KLF17: variants seen among roughly 807,000 people sequenced by gnomAD.
KLF17 encodes the protein KLF transcription factor 17.
In KLF17, 31 loss-of-function variants were observed where a neutral mutation model predicts 34.2. That is an observed-to-expected ratio of 0.91 (90% CI 0.68 to 1.22). The LOEUF is 1.22. Ranked by LOEUF, KLF17 falls within the 50% of genes most tolerant of loss-of-function variation. The pLI is 0.00. For synonymous variants in KLF17, 179 were observed against 186.7 expected, an observed-to-expected ratio of 0.96 and a Z score of 0.34; for missense variants, 478 against 505.2, an observed-to-expected ratio of 0.95 and a Z score of 0.52.
the KLF17 span, among the ~76,000 whole-genome samples, chr1:44,100,724 C>T: frequency 1.3e-5 from 2 of 151,980 alleles, no homozygotes; most frequent in Admixed American, 6.6e-5. Flanking sequence ...GGCGCAATCT[C>T]CACTCACTGC....
At chr1:44,109,961 G>A in the KLF17 span, among the ~76,000 whole-genome samples, 1 of 142,910 alleles carries the variant, frequency 7.0e-6, no homozygotes, top group African/African-American at 2.6e-5. Context: ...AGGCTGGAGT[G>A]CAATGGCACG....
At chr1:44,132,743 A>T (rs545546963) in intron 3 of KLF17, among the ~76,000 whole-genome samples, 2 of 152,250 alleles carry the variant, frequency 1.3e-5, no homozygotes, top group East Asian at 3.9e-4. Flanking sequence ...CACCTTCCTT[A>T]GGTCCCTGGA....
chr1:44,071,147 C>G, the KLF17 span, among the ~76,000 whole-genome samples: 3 of 152,164 alleles, frequency 2.0e-5, no homozygotes, highest in East Asian at 5.8e-4. Flanking sequence ...TCATGCTCAG[C>G]TGTGACCCTC....
At chr1:44,062,881 C>T in the KLF17 span, among the ~76,000 whole-genome samples, 2 of 152,088 alleles carry the variant, frequency 1.3e-5, no homozygotes, top group Non-Finnish European at 2.9e-5. Context: ...CAATTCTATT[C>T]CTGGCTATAT....
intron 1 of KLF17, among the ~76,000 whole-genome samples, chr1:44,123,528 G>C (rs2087974105): frequency 6.6e-6 from 1 of 151,998 alleles, no homozygotes; most frequent in Non-Finnish European, 1.5e-5. Flanking sequence ...AGTTGATCTA[G>C]CTAAGTGTTT....
At chr1:44,058,978 G>C in the KLF17 span, among the ~76,000 whole-genome samples, 2 of 152,110 alleles carry the variant, frequency 1.3e-5, no homozygotes, top group East Asian at 3.9e-4. Flanking sequence ...AACTTGGAAA[G>C]AAGAATCCGC....
chr1:44,065,405 G>T, the KLF17 span, among the ~76,000 whole-genome samples: 368 of 119,018 alleles, frequency 3.1e-3, 2 homozygotes, highest in African/African-American at 0.012. Context: ...ATAATCCTTG[G>T]TTTTTTTTTT....
chr1:44,099,873 GA>G, the KLF17 span, among the ~76,000 whole-genome samples: 6 of 52,848 alleles, frequency 1.1e-4, no homozygotes, highest in South Asian at 8.3e-4. Context: ...AAGAAAGAAA[GA>G]AAGAAAGAAA....
chr1:44,098,469 C>T, the KLF17 span, among the ~76,000 whole-genome samples: 2 of 129,142 alleles, frequency 1.5e-5, no homozygotes, highest in East Asian at 2.3e-4. Context: ...CTCTTCTGAT[C>T]TTTATTATTA....
At chr1:44,095,516 T>G in the KLF17 span, among the ~76,000 whole-genome samples, 2 of 151,938 alleles carry the variant, frequency 1.3e-5, no homozygotes, top group Non-Finnish European at 2.9e-5. Context: ...TGCCCAGCCT[T>G]TTATATCTTT....
the KLF17 span, among the ~76,000 whole-genome samples, chr1:44,086,422 C>G: frequency 6.6e-6 from 1 of 152,082 alleles, no homozygotes; most frequent in Non-Finnish European, 1.5e-5. Context: ...GCTGAGATCG[C>G]GCCATTGCGC....
chr1:44,086,193 G>A, the KLF17 span, among the ~76,000 whole-genome samples: 5 of 152,118 alleles, frequency 3.3e-5, no homozygotes, highest in South Asian at 2.1e-4. Flanking sequence ...ACGGTGGGGC[G>A]TGGTGGCTCA....
At chr1:44,100,741 T>A in the KLF17 span, among the ~76,000 whole-genome samples, 1 of 152,038 alleles carries the variant, frequency 6.6e-6, no homozygotes, top group African/African-American at 2.4e-5. Context: ...CTGCAACCTC[T>A]GCCTCCTGGG....
the KLF17 span, among the ~76,000 whole-genome samples, chr1:44,058,918 A>G: frequency 2.6e-5 from 4 of 151,870 alleles, no homozygotes; most frequent in Non-Finnish European, 5.9e-5. Context: ...CCCTTCAACA[A>G]AGGAAATAGT....
chr1:44,057,105 T>C, the KLF17 span, among the ~76,000 whole-genome samples: 7 of 151,986 alleles, frequency 4.6e-5, no homozygotes, highest in South Asian at 6.2e-4. Context: ...GGTTTACAGA[T>C]GGGAGTAGCT....
the KLF17 span, among the ~76,000 whole-genome samples, chr1:44,056,894 A>C: frequency 1.3e-5 from 2 of 151,992 alleles, no homozygotes; most frequent in Non-Finnish European, 2.9e-5. Context: ...TCACTTACTT[A>C]AATATCAGGC....
the KLF17 span, among the ~76,000 whole-genome samples, chr1:44,097,989 T>G: frequency 6.6e-6 from 1 of 152,194 alleles, no homozygotes; most frequent in Non-Finnish European, 1.5e-5. Context: ...TGAATGATCT[T>G]TTTGAGACAG....
the KLF17 span, among the ~76,000 whole-genome samples, chr1:44,099,023 A>C: frequency 2.0e-5 from 3 of 151,418 alleles, no homozygotes; most frequent in Non-Finnish European, 4.4e-5. Flanking sequence ...CCACTGTGCC[A>C]GCCAACCAAT....
the KLF17 span, among the ~76,000 whole-genome samples, chr1:44,093,675 G>A: frequency 6.6e-6 from 1 of 152,190 alleles, no homozygotes. Flanking sequence ...GATTACAGGT[G>A]TGAGCCACCG....
Sources: gnomAD v4.1 joint callset for allele counts (sites outside exome capture counted in the v4.1 genomes callset) on GRCh38, gnomAD v4.1.1 for gene constraint, MANE v1.5 for transcripts, NCBI Gene and HGNC (gene_info 2026-07-23, HGNC 2026-07-21) for gene names.